Variants in EXOC4 observed in about 807,000 individuals in gnomAD.
EXOC4 encodes the protein SEC8-like 1.
EXOC4 carries 71 observed loss-of-function variants against 107.2 expected under a neutral mutation model. That is an observed-to-expected ratio of 0.66 (90% CI 0.55 to 0.81). The LOEUF is 0.81. Among genes scored for constraint, EXOC4 ranks in the 30% least tolerant of loss-of-function variants. The pLI is 0.00. For missense variants in EXOC4, 1,108 were observed against 1,189.6 expected, an observed-to-expected ratio of 0.93 and a Z score of 1.01; for synonymous variants, 456 against 441.2, an observed-to-expected ratio of 1.03 and a Z score of -0.42.
At chr7:133,584,175 G>C (rs1197713612) in intron 9 of EXOC4, among the ~76,000 whole-genome samples, 1 of 152,120 alleles carries the variant, frequency 6.6e-6, no homozygotes, top group Non-Finnish European at 1.5e-5. Context: ...TGGGAGAGAG[G>C]TCTGGGCCAC....
At chr7:133,270,147 A>G (rs775659467) in intron 1 of EXOC4, among the ~76,000 whole-genome samples, 1 of 152,118 alleles carries the variant, frequency 6.6e-6, no homozygotes, top group East Asian at 1.9e-4. Context: ...CACAAGCTCT[A>G]TTCTCTTGTC....
intron 9 of EXOC4, among the ~76,000 whole-genome samples, chr7:133,600,847 A>C (rs905655401): frequency 6.6e-6 from 1 of 152,172 alleles, no homozygotes; most frequent in Non-Finnish European, 1.5e-5. Flanking sequence ...TTAACATTTC[A>C]AACCTTTAGT....
intron 17 of EXOC4, chr7:134,010,354 G>A (rs1247895433): frequency 6.6e-6 from 1 of 152,168 alleles, no homozygotes; most frequent in Non-Finnish European, 1.5e-5. Context: ...TTTCTTATAA[G>A]CTTGTAAGAA....
At chr7:133,674,171 G>T (rs1360908013) in intron 10 of EXOC4, among the ~76,000 whole-genome samples, 2 of 152,184 alleles carry the variant, frequency 1.3e-5, no homozygotes, top group Non-Finnish European at 1.5e-5. Context: ...AGGATTGATG[G>T]CTAGAAAGTA....
intron 7 of EXOC4, among the ~76,000 whole-genome samples, chr7:133,442,934 A>T (rs752044798): frequency 6.6e-6 from 1 of 152,212 alleles, no homozygotes; most frequent in Admixed American, 6.5e-5. Flanking sequence ...CTGAAGGTTG[A>T]TAAGGTTGAC....
At chr7:133,787,980 T>TAA (rs1796621651) in intron 10 of EXOC4, among the ~76,000 whole-genome samples, 1 of 75,410 alleles carries the variant, frequency 1.3e-5, no homozygotes, top group Non-Finnish European at 2.6e-5. Context: ...TATATATATA[T>TAA]ATATATATAT....
intron 10 of EXOC4, among the ~76,000 whole-genome samples, chr7:133,755,244 A>T (rs28533964): frequency 1.4e-3 from 115 of 82,310 alleles, no homozygotes; most frequent in African/African-American, 5.2e-3. Context: ...AATATATATA[A>T]TATATATATT....
At chr7:133,964,990 T>A (rs745335294) in intron 14 of EXOC4, among the ~76,000 whole-genome samples, 9 of 152,186 alleles carry the variant, frequency 5.9e-5, no homozygotes, top group Non-Finnish European at 1.3e-4. Flanking sequence ...CTCCAGCATC[T>A]GTTGTTTCCT....
At chr7:133,319,536 C>G (rs764556285) in intron 5 of EXOC4, among the ~76,000 whole-genome samples, 2 of 152,142 alleles carry the variant, frequency 1.3e-5, no homozygotes, top group African/African-American at 2.4e-5. Flanking sequence ...GTGGCCCGAG[C>G]TGGAGTGCAG....
At chr7:133,454,928 A>C (rs966350456) in intron 7 of EXOC4, among the ~76,000 whole-genome samples, 1 of 152,022 alleles carries the variant, frequency 6.6e-6, no homozygotes, top group Admixed American at 6.6e-5. Context: ...GTGAAAACCT[A>C]TCTCTACAAA....
chr7:133,534,394 G>A (rs1189650912), intron 9 of EXOC4, among the ~76,000 whole-genome samples: 1 of 152,114 alleles, frequency 6.6e-6, no homozygotes, highest in African/African-American at 2.4e-5. Context: ...GCCCTGAGTT[G>A]TCATTCCTGT....
intron 10 of EXOC4, chr7:133,771,363 A>G (rs1294775548): frequency 6.6e-6 from 1 of 151,976 alleles, no homozygotes; most frequent in Non-Finnish European, 1.5e-5. Context: ...GAAAAAATGA[A>G]TTGAAGGACA....
intron 12 of EXOC4, among the ~76,000 whole-genome samples, chr7:133,897,042 A>G (rs1002206862): frequency 6.7e-6 from 1 of 149,790 alleles, no homozygotes; most frequent in African/African-American, 2.5e-5. Flanking sequence ...AGTAGGAGAT[A>G]ATGTTGAATA....
chr7:133,881,187 G>C (rs1261672352), intron 11 of EXOC4, among the ~76,000 whole-genome samples: 1 of 152,014 alleles, frequency 6.6e-6, no homozygotes, highest in Non-Finnish European at 1.5e-5. Context: ...GTGTATGTAT[G>C]TATGTCATAA....
intron 10 of EXOC4, among the ~76,000 whole-genome samples, chr7:133,801,037 A>G (rs922895518): frequency 6.6e-6 from 1 of 152,214 alleles, no homozygotes; most frequent in South Asian, 2.1e-4. Flanking sequence ...GACCTTATGA[A>G]TAGCACAGAT....
chr7:133,643,951 T>G lies in EXOC4; in HGVS notation c.1514+13810T>G, dbSNP rs921498319. On this transcript the variant is annotated intron_variant, in intron 10 of 17. Coordinates refer to ENST00000253861, the MANE Select transcript of EXOC4 (RefSeq NM_021807.4). ...AGTTACCGTGGTAAAAGGCCAGAGG[T>G]CTCCTTGGGGAAGGATGGGAGAAAG... 1.1e-4 allele frequency among the ~76,000 whole-genome samples: 17 copies of G among 152,120 alleles called. 1 individual carries two copies. The highest frequency in any genetic ancestry group is 1.1e-3 in the Admixed American group (17 of 15,270).
intron 4 of EXOC4, among the ~76,000 whole-genome samples, chr7:133,316,859 C>T (rs960427384): frequency 1.3e-5 from 2 of 152,156 alleles, no homozygotes; most frequent in Non-Finnish European, 2.9e-5. Context: ...CAAGTAAACA[C>T]TAGTTAAACC....
At chr7:133,300,868 A>G (rs1009161486) in intron 3 of EXOC4, among the ~76,000 whole-genome samples, 2 of 148,964 alleles carry the variant, frequency 1.3e-5, no homozygotes, top group African/African-American at 5.1e-5. Flanking sequence ...GTTCAAGTTA[A>G]TAATATGATA....
intron 9 of EXOC4, among the ~76,000 whole-genome samples, chr7:133,549,620 A>G (rs1167965646): frequency 1.3e-5 from 2 of 152,212 alleles, no homozygotes; most frequent in Non-Finnish European, 2.9e-5. Context: ...TGATACAGAG[A>G]CATAAAGTGA....
Sources: allele counts gnomAD v4.1 joint callset (sites outside exome capture counted in the v4.1 genomes callset), GRCh38; gene constraint gnomAD v4.1.1; transcripts MANE v1.5; gene names NCBI Gene and HGNC (gene_info 2026-07-23, HGNC 2026-07-21).